The following VWA8 variants were observed in gnomAD, a reference collection of about 807,000 sequenced individuals.
VWA8 encodes von Willebrand factor A domain containing 8.
Under a neutral mutation model 241.5 loss-of-function variants are expected in VWA8, and 221 were observed. The ratio of observed to expected loss-of-function variants is 0.91; its 90% CI spans 0.82 to 1.02. VWA8 has a LOEUF of 1.02. VWA8 is among the 50% of genes least tolerant of loss of function. The pLI is 0.00. For synonymous variants in VWA8, 852 were observed against 827.1 expected, an observed-to-expected ratio of 1.03 and a Z score of -0.52; for missense variants, 2,322 against 2,328.7, an observed-to-expected ratio of 1.00 and a Z score of 0.06.
At chr13:41,789,681 G>A (rs1434187771) in intron 17 of VWA8, among the ~76,000 whole-genome samples, 1 of 152,150 alleles carries the variant, frequency 6.6e-6, no homozygotes, top group Non-Finnish European at 1.5e-5. Context: ...AAAGAAGTCT[G>A]TTAAGGGTCG....
chr13:41,776,284 A>G (rs1197072795), intron 20 of VWA8, among the ~76,000 whole-genome samples: 1 of 152,214 alleles, frequency 6.6e-6, no homozygotes, highest in African/African-American at 2.4e-5. Flanking sequence ...TTTAACTTAT[A>G]AAGAGTTTGT....
rs1173297390 is a variant in VWA8 at position 41,575,768 on chromosome 13, T to G, written c.5342A>C (p.Asp1781Ala). Residue 1781 changes from aspartate (D) to alanine (A), a missense_variant, in exon 43 of 45, where the codon GAC becomes GCC. Asp to Ala is a moderately radical substitution (Grantham distance 126, BLOSUM62 -2). Transcript: ENST00000379310. ...GLVPMNKIPK[D>A]NKQRLEILKT... is the part of the protein sequence containing the mutation. Reference sequence around the variant, plus strand: ...CAGAATTTCTAGTCTTTGCTTATTGTCCTTGGGGATTTTGTTCATTGGAAC... The same window carrying G: ...CAGAATTTCTAGTCTTTGCTTATTGGCCTTGGGGATTTTGTTCATTGGAAC... 4 of 1,613,360 alleles carry G rather than the reference T, an allele frequency of 2.5e-6. No individual in the cohort carries two copies. Among genetic ancestry groups the G allele is most frequent in the Non-Finnish European group, 3.4e-6 (4 of 1,179,832 alleles).
At chr13:41,898,853 A>G (rs1312556283) in intron 4 of VWA8, among the ~76,000 whole-genome samples, 1 of 151,382 alleles carries the variant, frequency 6.6e-6, no homozygotes, top group African/African-American at 2.4e-5. Context: ...CGGGGCCTGC[A>G]GGGCCGGCCG....
chr13:41,761,131 T>C lies in VWA8; in HGVS notation c.2423A>G (p.His808Arg). 3.7e-6 allele frequency: 6 copies of C among 1,611,442 alleles called. No individual in the cohort carries two copies. Among genetic ancestry groups the C allele is most frequent in the South Asian group, 1.1e-5 (1 of 90,956 alleles). ...GTTGTGGGTCTAATAGTCTTACCTG[T>C]GTAGCTGAATATATTCTCGGGGTCT... ...LNRPREYIQL[H>R]RDTTVQTLTL... The change falls in exon 21 of 45, where the codon CAC becomes CGC. Residue 808 changes from histidine (H) to arginine (R), a missense_variant. Physicochemically the swap from His to Arg is conservative, Grantham distance 29. Transcript: ENST00000379310.
intron 21 of VWA8, among the ~76,000 whole-genome samples, chr13:41,752,099 T>C (rs917356268): frequency 6.6e-6 from 1 of 150,906 alleles, no homozygotes; most frequent in Non-Finnish European, 1.5e-5. Context: ...CCTGTAAACC[T>C]ATTTCAATAT....
chr13:41,602,170 C>A (rs534154435), intron 40 of VWA8, among the ~76,000 whole-genome samples: 79 of 152,100 alleles, frequency 5.2e-4, no homozygotes, highest in African/African-American at 1.9e-3. Context: ...GACTAGAAGG[C>A]CCACCTGAGA....
intron 37 of VWA8, among the ~76,000 whole-genome samples, chr13:41,640,818 T>A (rs1050597525): frequency 1.3e-5 from 2 of 152,226 alleles, no homozygotes; most frequent in Admixed American, 1.3e-4. Flanking sequence ...CTTTATCAGA[T>A]AATAAGTCAA....
intron 17 of VWA8, among the ~76,000 whole-genome samples, chr13:41,805,030 A>G (rs1291061539): frequency 6.6e-6 from 1 of 152,222 alleles, no homozygotes; most frequent in Non-Finnish European, 1.5e-5. Flanking sequence ...CCTAAAAACA[A>G]ACAACAAAAT....
At chr13:41,784,697 C>CACATATATATATAT (rs1869065435) in intron 18 of VWA8, among the ~76,000 whole-genome samples, 1 of 57,022 alleles carries the variant, frequency 1.8e-5, no homozygotes, top group African/African-American at 5.6e-5. Flanking sequence ...TATACATATA[C>CACATATATATATAT]ATATATATAT....
intron 21 of VWA8, among the ~76,000 whole-genome samples, chr13:41,733,139 T>C (rs17062526): frequency 0.015 from 2,333 of 152,082 alleles, 24 homozygotes; most frequent in Middle Eastern, 0.054. Flanking sequence ...ACCTGGACGT[T>C]ATACTTGTGA....
chr13:41,660,424 AC>A (rs1033422316), intron 37 of VWA8, among the ~76,000 whole-genome samples: 1 of 151,890 alleles, frequency 6.6e-6, no homozygotes, highest in Non-Finnish European at 1.5e-5. Context: ...CCAGATGATC[AC>A]CCTTCTTAAA....
Position 41,784,717 on chromosome 13 carries a change from T to TACACACAC in VWA8, c.2171-817_2171-816insGTGTGTGT, listed in dbSNP as rs1566456279. Among the ~76,000 whole-genome samples, 14 of 74,732 alleles carry TACACACAC rather than the reference T, an allele frequency of 1.9e-4. 1 individual carries two copies. The East Asian group carries it at 5.1e-3, about 27-fold the overall frequency. The allele number at this position is 74,732 out of a possible 152,430, so 49.0% of individuals were successfully genotyped here. ...ATATACATATATATATATATATATATATATATATATATACACACACATATA... is the reference window on the plus strand; with the variant it reads ...ATATACATATATATATATATATATATACACACACATATATATATATACACACACATATA... On this transcript the variant is annotated intron_variant, in intron 18 of 44. Coordinates refer to ENST00000379310, the MANE Select transcript of VWA8 (RefSeq NM_015058.2).
In VWA8 at chr13:41,868,401, T is replaced by G. The variant is rs1321442211; in HGVS notation, c.1157A>C (p.His386Pro). The G allele has an allele frequency of 1.9e-6, 3 of 1,614,124 alleles. No homozygotes were observed. The highest frequency in any genetic ancestry group is 2.5e-6 in the Non-Finnish European group (3 of 1,180,010). Residue 386 changes from histidine to proline, a missense_variant, in exon 10 of 45, where the codon CAT becomes CCT. By Grantham distance (77) the His-to-Pro change is moderately conservative (BLOSUM62 -2). Coordinates refer to ENST00000379310, the MANE Select transcript of VWA8 (RefSeq NM_015058.2). ...GATGGTCACAGAAGCTTGGGACACA[T>G]GGTTTTCCATCATCTTCTCTACTTT... ...IVKVEKMMEN[H>P]VSQASVTIRI... is the part of the protein sequence containing the mutation.
intron 5 of VWA8, among the ~76,000 whole-genome samples, chr13:41,889,171 A>C (rs1029299441): frequency 2.0e-5 from 3 of 152,204 alleles, no homozygotes; most frequent in Non-Finnish European, 4.4e-5. Context: ...TGGTGTTAGA[A>C]TCTTTTTACC....
intron 14 of VWA8, among the ~76,000 whole-genome samples, chr13:41,825,144 T>A (rs528416679): frequency 3.3e-5 from 5 of 152,246 alleles, no homozygotes; most frequent in Non-Finnish European, 7.3e-5. Flanking sequence ...TATTTACATA[T>A]CTGTCTTCAT....
In VWA8 at chr13:41,587,661, G is replaced by T; in HGVS notation, c.5122C>A (p.Pro1708Thr). ...CGCAGACGCTTGGGTTTCTGTTGTG[G>T]GCTGCCAAGCTGAGGGAAGGAATAA... ...RGELEPQLGS[P>T]QQKPKRLRLV... The change falls in exon 42 of 45, where the codon CCA (proline) becomes ACA (threonine). Residue 1708 changes from proline (P) to threonine (T), a missense_variant. Pro to Thr is a conservative substitution (Grantham distance 38). Transcript: ENST00000379310. The T allele has an allele frequency of 6.2e-7, 1 of 1,614,120 alleles. No individual in the cohort carries two copies. The highest frequency in any genetic ancestry group is 8.5e-7 in the Non-Finnish European group (1 of 1,179,998).
intron 42 of VWA8, among the ~76,000 whole-genome samples, chr13:41,579,284 G>A (rs1358864022): frequency 6.6e-6 from 1 of 152,102 alleles, no homozygotes; most frequent in Non-Finnish European, 1.5e-5. Context: ...CACTAACTAC[G>A]GGCTACACAG....
chr13:41,857,752 T>C (rs1449953962), intron 12 of VWA8, among the ~76,000 whole-genome samples: 1 of 152,176 alleles, frequency 6.6e-6, no homozygotes, highest in Admixed American at 6.5e-5. Context: ...CTTTAGGCAC[T>C]GTGATGGTTA....
chr13:41,591,832 A>T (rs1242666630), intron 40 of VWA8, among the ~76,000 whole-genome samples: 4 of 147,394 alleles, frequency 2.7e-5, no homozygotes, highest in African/African-American at 1.0e-4. Flanking sequence ...GCTGGAGAGG[A>T]TGCGGAGAAA....
Sources: allele counts gnomAD v4.1 joint callset (sites outside exome capture counted in the v4.1 genomes callset), GRCh38; gene constraint gnomAD v4.1.1; transcripts MANE v1.5; gene names NCBI Gene and HGNC (gene_info 2026-07-23, HGNC 2026-07-21).